The following PRRT3 variants were observed in gnomAD, a reference collection of about 807,000 sequenced individuals.
PRRT3 encodes the protein proline-rich transmembrane protein 3.
PRRT3 carries 48 observed loss-of-function variants against 56.6 expected under a neutral mutation model. The ratio of observed to expected loss-of-function variants is 0.85; its 90% confidence interval spans 0.67 to 1.08. The LOEUF (loss-of-function observed/expected upper bound fraction) is 1.08, where lower values mean the gene tolerates loss of function less well. PRRT3 is among the 50% of genes least tolerant of loss of function. PRRT3 has a pLI of 0.00. For synonymous variants in PRRT3, 641 were observed against 619.1 expected, an observed-to-expected ratio of 1.04 and a Z score of -0.52; for missense variants, 1,370 against 1,353.1, an observed-to-expected ratio of 1.01 and a Z score of -0.20.
Position 9,948,916 on chromosome 3 carries a change from G to C in PRRT3, c.1016-3C>G. ...TGCTCCATTCATTGCTGCTCTCTCTGAAATGACAAAGCAGTCATCACCTTA... is the reference window on the plus strand; with the variant it reads ...TGCTCCATTCATTGCTGCTCTCTCTCAAATGACAAAGCAGTCATCACCTTA... On this transcript the variant is annotated splice_polypyrimidine_tract_variant and splice_region_variant and intron_variant, in intron 2 of 3. Transcript: ENST00000412055. 2 of 1,566,434 alleles carry C rather than the reference G, an allele frequency of 1.3e-6. No homozygotes were observed. Among genetic ancestry groups the C allele is most frequent in the Non-Finnish European group, 1.7e-6 (2 of 1,155,698 alleles).
In PRRT3 at chr3:9,949,720, G is replaced by A; in HGVS notation, c.396C>T (p.Asp132=). 6.2e-7 allele frequency: 1 copy of A among 1,614,138 alleles called. No individual in the cohort carries two copies. The highest frequency in any genetic ancestry group is 8.5e-7 in the Non-Finnish European group (1 of 1,180,020). The change falls in exon 2 of 4, where the codon GAC becomes GAT. Residue 132 remains aspartate, a synonymous_variant. Coordinates refer to ENST00000412055, the MANE Select transcript of PRRT3 (RefSeq NM_207351.5). This position sits in a 1 kb window ranked among gnomAD's most constrained non-coding sequence, Gnocchi z 4.5. ...PSSHGWTGPL[D]SQELLQQEAV... is the part of the protein sequence containing the mutation. Reference sequence around the variant, plus strand: ...CTTCTTGCTGCAGAAGCTCTTGTGAGTCCAGAGGTCCTGTCCAGCCGTGGG... The same window carrying A: ...CTTCTTGCTGCAGAAGCTCTTGTGAATCCAGAGGTCCTGTCCAGCCGTGGG...
In PRRT3 at chr3:9,949,805, CCTTGTGCTG is replaced by C. The variant is rs2085593620; in HGVS notation, c.302_310del (p.Ala101_Gln103del). 5.0e-6 allele frequency: 8 copies of C among 1,614,146 alleles called. No homozygotes were observed. The highest frequency in any genetic ancestry group is 6.8e-6 in the Non-Finnish European group (8 of 1,180,018). On this transcript the variant is annotated inframe_deletion, in exon 2 of 4. Transcript: ENST00000412055. The surrounding 1 kb of genome is among the most constrained non-coding windows in gnomAD (Gnocchi z 4.5). ...TACTGGGAGTCGTTCTCTCTGAGCTCCTTGTGCTGCTTTGGGCCCGTACAGGGCTGGGCC... is the reference window on the plus strand; with the variant it reads ...TACTGGGAGTCGTTCTCTCTGAGCTCCTTTGGGCCCGTACAGGGCTGGGCC...
In PRRT3 at chr3:9,946,147, T is replaced by G. The variant is rs1485425627; in HGVS notation, c.*80A>C. The stretch of plus-strand genomic sequence containing the variant: ...CACCGCGCCTGGCCAGGATGCCCAT[T>G]TTTTAAAGGCTCAACTGTCCCAGTA... On this transcript the variant is annotated 3_prime_UTR_variant, in exon 4 of 4. Coordinates refer to ENST00000412055, the MANE Select transcript of PRRT3 (RefSeq NM_207351.5). The surrounding 1 kb of genome is among the most constrained non-coding windows in gnomAD (Gnocchi z 4.1). The G allele has an allele frequency of 6.7e-7, 1 of 1,503,140 alleles. No individual in the cohort carries two copies. Among genetic ancestry groups the G allele is most frequent in the East Asian group, 2.5e-5 (1 of 40,244 alleles). The allele number at this position is 1,503,140 out of a possible 1,614,324, so 93.1% of individuals were successfully genotyped here.
Position 9,947,991 on chromosome 3 carries a change from C to A in PRRT3, c.1182G>T (p.Glu394Asp). The A allele has an allele frequency of 1.5e-6, 2 of 1,346,618 alleles. No homozygotes were observed. Among genetic ancestry groups the A allele is most frequent in the East Asian group, 2.8e-5 (1 of 35,588 alleles). 83.4% of individuals were successfully genotyped at this position (1,346,618 alleles called of 1,614,324 possible). ...GGCTTTGGGGGCGCCCCGGCCACTC[C>A]TCGGCTTCATCTGCAATTATAACAA... ...PMGALQPDEA[E>D]EWPGRPQSHP... The change falls in exon 4 of 4, where the codon GAG becomes GAT. Residue 394 changes from glutamate to aspartate, a missense_variant. Glu to Asp is a conservative substitution (Grantham distance 45, BLOSUM62 2). Coordinates refer to ENST00000412055, the MANE Select transcript of PRRT3 (RefSeq NM_207351.5). The surrounding 1 kb of genome is among the most constrained non-coding windows in gnomAD (Gnocchi z 9.2).
At position 9,947,448 on chromosome 3, in the gene PRRT3, T is replaced by G; in HGVS notation, c.1725A>C (p.Gly575=). The change falls in exon 4 of 4, where the codon GGA becomes GGC. Residue 575 remains glycine (G), a synonymous_variant. Coordinates refer to ENST00000412055, the MANE Select transcript of PRRT3 (RefSeq NM_207351.5). This position sits in a 1 kb window ranked among gnomAD's most constrained non-coding sequence, Gnocchi z 9.2. ...CTACACCATGCACCAGCGCCACTGC[T>G]CCCAGCAGGAGTGGGTTTTGCAGCG... The part of the protein sequence containing the change: ...PPPLQNPLLL[G]AVALVHGVGL... 1.2e-6 allele frequency: 2 copies of G among 1,612,404 alleles called. No individual in the cohort carries two copies. Among genetic ancestry groups the G allele is most frequent in the South Asian group, 2.2e-5 (2 of 91,078 alleles).
Position 9,950,031 on chromosome 3 carries a change from C to T in PRRT3, c.85G>A (p.Gly29Ser), listed in dbSNP as rs2085599348. The T allele has an allele frequency of 2.0e-6, 3 of 1,524,332 alleles. No homozygotes were observed. Among genetic ancestry groups the T allele is most frequent in the East Asian group, 2.3e-5 (1 of 44,184 alleles). The allele number at this position is 1,524,332 out of a possible 1,614,324, so 94.4% of individuals were successfully genotyped here. A position where few individuals can be genotyped will look rare whatever the true frequency, so the allele number is the denominator to read the frequency against. Residue 29 changes from glycine to serine, a missense_variant, in exon 2 of 4, where the codon GGC (glycine) becomes AGC (serine). Coordinates refer to ENST00000412055, the MANE Select transcript of PRRT3 (RefSeq NM_207351.5). ...GAGTTTTCAAGTGGCCTGGGAAAGC[C>T]CCTCCCCAGGGCAGGGCCAGTCCCC... is the stretch of plus-strand genomic sequence containing the variant. Reference protein sequence around the residue: ...LLGTGPALGRGFPRPLENSEI... With the variant: ...LLGTGPALGRSFPRPLENSEI...
Position 9,946,774 on chromosome 3 carries a change from C to T in PRRT3, c.2399G>A (p.Ser800Asn). Residue 800 changes from serine to asparagine, a missense_variant, in exon 4 of 4, where the codon AGC becomes AAC. Coordinates refer to ENST00000412055, the MANE Select transcript of PRRT3 (RefSeq NM_207351.5). The surrounding 1 kb of genome is among the most constrained non-coding windows in gnomAD (Gnocchi z 4.1). ...RNGVGPAPSLSELDLRPPSPI... is the reference protein window; with the variant it reads ...RNGVGPAPSLNELDLRPPSPI... ...CGATGGCGGCCGCAGATCCAGCTCG[C>T]TCAGCGATGGCGCCGGTCCCACACC... 1.3e-6 allele frequency: 2 copies of T among 1,544,838 alleles called. No individual in the cohort carries two copies. The highest frequency in any genetic ancestry group is 1.7e-6 in the Non-Finnish European group (2 of 1,153,980).
intron 3 of PRRT3, 33 bp downstream of exon 3, chr3:9,948,725 C>A: frequency 6.2e-7 from 1 of 1,613,372 alleles, no homozygotes; most frequent in Non-Finnish European, 8.5e-7. Flanking sequence ...AGACAGAGCA[C>A]TCCCTCTCCC....
rs781375937 is a variant in PRRT3, at chr3:9,947,519, G to A, written c.1654C>T (p.Leu552=). The A allele has an allele frequency of 2.2e-5, 35 of 1,611,686 alleles. No homozygotes were observed. The highest frequency in any genetic ancestry group is 1.6e-4 in the East Asian group (7 of 44,864). Residue 552 remains leucine (L), a synonymous_variant, in exon 4 of 4, where the codon CTG becomes TTG. Coordinates refer to ENST00000412055, the MANE Select transcript of PRRT3 (RefSeq NM_207351.5). This position sits in a 1 kb window ranked among gnomAD's most constrained non-coding sequence, Gnocchi z 9.2. ...NLPFPLLLTA[L]AALTLLGLGA... is the part of the protein sequence containing the mutation. ...AGGCCGAGCAGAGTCAGGGCTGCCA[G>A]CGCCGTAAGCAGCAAGGGGAAGGGC...
In PRRT3 at chr3:9,946,677, C is replaced by A. The variant is rs2124875897; in HGVS notation, c.2496G>T (p.Gln832His). Reference protein sequence around the residue: ...REHLVRDSVFQRCGLRGLASP... With the variant: ...REHLVRDSVFHRCGLRGLASP... ...AGGCCAGGCCGCGGAGGCCGCAGCG[C>A]TGGAACACACTGTCTCGCACTAGGT... Residue 832 changes from glutamine (Q) to histidine (H), a missense_variant, in exon 4 of 4, where the codon CAG (glutamine) becomes CAT (histidine). Coordinates refer to ENST00000412055, the MANE Select transcript of PRRT3 (RefSeq NM_207351.5). The surrounding 1 kb of genome is among the most constrained non-coding windows in gnomAD (Gnocchi z 4.1). 7.0e-7 allele frequency: 1 copy of A among 1,425,600 alleles called. No individual in the cohort carries two copies. The highest frequency in any genetic ancestry group is 9.1e-7 in the Non-Finnish European group (1 of 1,099,802). The allele number at this position is 1,425,600 out of a possible 1,614,324, so 88.3% of individuals were successfully genotyped here. A position where few individuals can be genotyped will look rare whatever the true frequency, so the allele number is the denominator to read the frequency against.
intron 3 of PRRT3, chr3:9,948,367 T>C (rs1173361824): frequency 5.5e-6 from 2 of 364,316 alleles, no homozygotes; most frequent in Non-Finnish European, 9.7e-6. Flanking sequence ...TCTCACTCTG[T>C]CATCCAGGCT....
At position 9,946,499 on chromosome 3, in the gene PRRT3, G is replaced by C; in HGVS notation, c.2674C>G (p.Pro892Ala). 2 of 1,539,152 alleles carry C rather than the reference G, an allele frequency of 1.3e-6. No individual in the cohort carries two copies. Among genetic ancestry groups the C allele is most frequent in the Non-Finnish European group, 1.8e-6 (2 of 1,141,648 alleles). The part of the protein sequence containing the change: ...GPVPQHVVEA[P>A]DGAAAAASGS... The stretch of plus-strand genomic sequence containing the variant: ...GAAGCCGCAGCGGCTGCCCCGTCGG[G>C]TGCTTCCACTACGTGCTGTGGGACC... Residue 892 changes from proline to alanine, a missense_variant, in exon 4 of 4, where the codon CCC (proline) becomes GCC (alanine). Coordinates refer to ENST00000412055, the MANE Select transcript of PRRT3 (RefSeq NM_207351.5). The surrounding 1 kb of genome is among the most constrained non-coding windows in gnomAD (Gnocchi z 4.1).
At chr3:9,950,951 T>TC (rs2085612128) in intron 1 of PRRT3, among the ~76,000 whole-genome samples, 1 of 152,158 alleles carries the variant, frequency 6.6e-6, no homozygotes, top group Admixed American at 6.5e-5. Flanking sequence ...ATCATAGTTT[T>TC]CCCATCAGTA....
Position 9,947,800 on chromosome 3 carries a change from A to C in PRRT3, c.1373T>G (p.Leu458Arg), listed in dbSNP as rs1334387251. 1 of 1,457,430 alleles carries C rather than the reference A, an allele frequency of 6.9e-7. No homozygotes were observed. The highest frequency in any genetic ancestry group is 1.5e-5 in the African/African-American group (1 of 68,860). The allele number at this position is 1,457,430 out of a possible 1,614,324, so 90.3% of individuals were successfully genotyped here. ...GACCCGCCGAAGGGGGCCCCAGCGT[A>C]GCGGGGGTGCAGTGGCGTTGGCTGG... ...SPPANATAPP[L>R]RWGPLRRVLS... Residue 458 changes from leucine to arginine, a missense_variant, in exon 4 of 4, where the codon CTA (leucine) becomes CGA (arginine). Transcript: ENST00000412055. The surrounding 1 kb of genome is among the most constrained non-coding windows in gnomAD (Gnocchi z 9.2).
Position 9,949,850 on chromosome 3 carries a change from G to C in PRRT3, c.266C>G (p.Ala89Gly). 6.2e-7 allele frequency: 1 copy of C among 1,613,712 alleles called. No individual in the cohort carries two copies. The highest frequency in any genetic ancestry group is 8.5e-7 in the Non-Finnish European group (1 of 1,179,720). ...GTACAGGGCTGGGCCAAGGGGAGAG[G>C]CTACAGGCTTCTCAGGCATCTCTTC... ...PAEEMPEKPV[A>G]SPLGPALYGP... Residue 89 changes from alanine (A) to glycine (G), a missense_variant, in exon 2 of 4, where the codon GCC becomes GGC. Coordinates refer to ENST00000412055, the MANE Select transcript of PRRT3 (RefSeq NM_207351.5). This position sits in a 1 kb window ranked among gnomAD's most constrained non-coding sequence, Gnocchi z 4.5.
chr3:9,949,134 C>T lies in PRRT3; in HGVS notation c.982G>A (p.Ala328Thr), dbSNP rs750966294. 6.1e-5 allele frequency: 99 copies of T among 1,610,444 alleles called. No individual in the cohort carries two copies. Among genetic ancestry groups the T allele is most frequent in the Middle Eastern group, 5.4e-4 (3 of 5,592 alleles). The change falls in exon 2 of 4, where the codon GCC (alanine) becomes ACC (threonine). Residue 328 changes from alanine (A) to threonine (T), a missense_variant. Physicochemically the swap from Ala to Thr is moderately conservative, Grantham distance 58. Transcript: ENST00000412055. The surrounding 1 kb of genome is among the most constrained non-coding windows in gnomAD (Gnocchi z 4.5). ...SPGPQPTDPP[A>T]SEAPDRPSKP... ...GACGGCCGATCAGGAGCCTCTGAGG[C>T]GGGTGGATCCGTGGGCTGGGGTCCT...
At position 9,949,040 on chromosome 3, in the gene PRRT3, A is replaced by C. The variant is rs2085575288; in HGVS notation, c.1015+61T>G. On this transcript the variant is annotated intron_variant, in intron 2 of 3. Coordinates refer to ENST00000412055, the MANE Select transcript of PRRT3 (RefSeq NM_207351.5). The surrounding 1 kb of genome is among the most constrained non-coding windows in gnomAD (Gnocchi z 4.5). ...ATGAGACCTAGAGGGACCCAGGGTC[A>C]AACAGAATTGAGGCATCCAGCTGCC... 1 of 1,526,918 alleles carries C rather than the reference A, an allele frequency of 6.5e-7. No homozygotes were observed. Among genetic ancestry groups the C allele is most frequent in the Non-Finnish European group, 8.7e-7 (1 of 1,143,092 alleles). The allele number at this position is 1,526,918 out of a possible 1,614,324, so 94.6% of individuals were successfully genotyped here.
In PRRT3 at chr3:9,948,762, CT is replaced by C; in HGVS notation, c.1166del (p.Gln389ArgfsTer79). 6.2e-7 allele frequency: 1 copy of C among 1,614,006 alleles called. No homozygotes were observed. Among genetic ancestry groups the C allele is most frequent in the Non-Finnish European group, 8.5e-7 (1 of 1,179,998 alleles). On this transcript the variant is annotated frameshift_variant, in exon 3 of 4. Coordinates refer to ENST00000412055, the MANE Select transcript of PRRT3 (RefSeq NM_207351.5). LOFTEE classifies it high-confidence loss of function. The stretch of plus-strand genomic sequence containing the variant: ...ACACCCCAGCCATGCTCTCACCTGG[CT>C]GCAGGGCCCCCATGGGGCTCTCTGT... Reference protein sequence around the residue: ...NRTESPMGALQPDEAEEWPGR... With the variant: ...NRTESPMGALXPDEAEEWPGR...
Position 9,949,414 on chromosome 3 carries a change from C to T in PRRT3, c.702G>A (p.Gln234=). ...EGQGGFEEHL[Q]EAAQGPHFTQ... ...TGAAGTGGGGACCTTGAGCTGCCTC[C>T]TGCAAGTGTTCCTCAAACCCACCCT... Residue 234 remains glutamine (Q), a synonymous_variant, in exon 2 of 4, where the codon CAG becomes CAA. Transcript: ENST00000412055. The surrounding 1 kb of genome is among the most constrained non-coding windows in gnomAD (Gnocchi z 4.5). 1 of 1,614,136 alleles carries T rather than the reference C, an allele frequency of 6.2e-7. No individual in the cohort carries two copies. The highest frequency in any genetic ancestry group is 8.5e-7 in the Non-Finnish European group (1 of 1,179,996).
Sources: gnomAD v4.1 joint callset for allele counts (sites outside exome capture counted in the v4.1 genomes callset) on GRCh38, gnomAD v4.1.1 for gene constraint, Gnocchi (gnomAD v3.1) non-coding constraint, MANE v1.5 for transcripts, NCBI Gene and HGNC (gene_info 2026-07-23, HGNC 2026-07-21) for gene names.